TENM4: variants seen among roughly 807,000 people sequenced by gnomAD.
The protein encoded by TENM4 is teneurin transmembrane protein 4, also known as teneurin-4.
In TENM4, 82 loss-of-function variants were observed where a neutral mutation model predicts 243.3. The observed-to-expected ratio is 0.34, with a 90% confidence interval of 0.28 to 0.40. The LOEUF is 0.40. TENM4 is among the 10% of genes least tolerant of loss of function. TENM4 has a pLI of 1.00. For missense variants in TENM4, 3,138 were observed against 3,673.3 expected (o/e 0.85, Z 3.77); for synonymous variants, 1,412 against 1,456.3 (o/e 0.97, Z 0.69).
chr11:79,196,529 G>A (rs1015617122), intron 3 of TENM4, among the ~76,000 whole-genome samples: 2 of 152,148 alleles, frequency 1.3e-5, no homozygotes, highest in African/African-American at 2.4e-5. Flanking sequence ...GGGGTGTTGT[G>A]GAGAGTAGTG....
chr11:79,324,788 G>GCTT (rs1259909567), intron 1 of TENM4, among the ~76,000 whole-genome samples: 2 of 152,146 alleles, frequency 1.3e-5, no homozygotes, highest in Non-Finnish European at 2.9e-5. Flanking sequence ...CACTGCTGCT[G>GCTT]TCCCCCGGAG....
chr11:79,038,761 G>A (rs1356926129), intron 6 of TENM4, among the ~76,000 whole-genome samples: 2 of 152,172 alleles, frequency 1.3e-5, no homozygotes, highest in East Asian at 3.8e-4. Context: ...TCAAATCCTG[G>A]CTTGGGAAAA....
chr11:79,172,786 GCACCAC>G (rs1863075146), intron 3 of TENM4, among the ~76,000 whole-genome samples: 1 of 151,094 alleles, frequency 6.6e-6, no homozygotes, highest in Non-Finnish European at 1.5e-5. Flanking sequence ...TTACAAGTGT[GCACCAC>G]CACGCCCAGC....
At chr11:79,083,350 A>T (rs1860725577) in intron 4 of TENM4, among the ~76,000 whole-genome samples, 1 of 152,174 alleles carries the variant, frequency 6.6e-6, no homozygotes, top group Non-Finnish European at 1.5e-5. Context: ...TCCTCTTGAG[A>T]CTGGTTCGGT....
intron 7 of TENM4, among the ~76,000 whole-genome samples, chr11:78,895,831 A>G (rs1028195786): frequency 7.2e-5 from 11 of 152,200 alleles, no homozygotes; most frequent in Non-Finnish European, 5.9e-5. Context: ...TGGGATTTAA[A>G]CCAGATCTCT....
intron 4 of TENM4, among the ~76,000 whole-genome samples, chr11:79,147,965 A>G (rs1862423129): frequency 6.6e-6 from 1 of 152,078 alleles, no homozygotes; most frequent in African/African-American, 2.4e-5. Flanking sequence ...GGTCAGAGGC[A>G]TGGTAGTGAC....
At chr11:78,763,549 G>C (rs1236725562) in intron 18 of TENM4, among the ~76,000 whole-genome samples, 1 of 152,232 alleles carries the variant, frequency 6.6e-6, no homozygotes, top group East Asian at 1.9e-4. Flanking sequence ...CTGGCTGGAG[G>C]ATGAAGGCCC....
intron 12 of TENM4, among the ~76,000 whole-genome samples, chr11:78,830,615 C>T (rs982558794): frequency 2.0e-5 from 3 of 152,136 alleles, no homozygotes; most frequent in Non-Finnish European, 4.4e-5. Flanking sequence ...CTGAGGTGGC[C>T]GCTGCTCGGG....
intron 6 of TENM4, among the ~76,000 whole-genome samples, chr11:79,032,925 C>T (rs1859283699): frequency 6.6e-6 from 1 of 152,126 alleles, no homozygotes; most frequent in South Asian, 2.1e-4. Flanking sequence ...GGAGAACATG[C>T]TGGTGACTGG....
At chr11:79,366,075 C>T (rs574598961) in intron 1 of TENM4, among the ~76,000 whole-genome samples, 1 of 152,172 alleles carries the variant, frequency 6.6e-6, no homozygotes, top group African/African-American at 2.4e-5. Context: ...AAATTACTAA[C>T]CTGTCTAATC....
At chr11:78,975,628 A>G (rs1857639196) in intron 6 of TENM4, among the ~76,000 whole-genome samples, 1 of 151,914 alleles carries the variant, frequency 6.6e-6, no homozygotes, top group Non-Finnish European at 1.5e-5. Flanking sequence ...ATATATATAT[A>G]TATATGTTTT....
chr11:79,018,224 G>C (rs1858829169), intron 6 of TENM4, among the ~76,000 whole-genome samples: 1 of 152,186 alleles, frequency 6.6e-6, no homozygotes, highest in African/African-American at 2.4e-5. Context: ...ATACTGGTTT[G>C]TGCCTGTTCT....
intron 1 of TENM4, among the ~76,000 whole-genome samples, chr11:79,336,500 A>G (rs10501437): frequency 0.06 from 9,075 of 152,338 alleles, 386 homozygotes; most frequent in Non-Finnish European, 0.091. Context: ...GTAGGTGTTC[A>G]GAAAGAATCG....
In TENM4 at chr11:79,242,563, G is replaced by A. The variant is rs181443508; in HGVS notation, c.-264-26654C>T. 2.0e-3 allele frequency among the ~76,000 whole-genome samples: 297 copies of A among 152,224 alleles called. 1 individual carries two copies. The highest frequency in any genetic ancestry group is 3.4e-3 in the Middle Eastern group (1 of 294). ...GATTTTACATCTTGCAAAAGACAGG[G>A]TATAAAATCACCATAAGCATACCAT... On this transcript the variant is annotated intron_variant, in intron 2 of 33. Transcript: ENST00000278550.
At chr11:79,337,363 C>T (rs1463166299) in intron 1 of TENM4, among the ~76,000 whole-genome samples, 2 of 152,170 alleles carry the variant, frequency 1.3e-5, no homozygotes, top group African/African-American at 2.4e-5. Flanking sequence ...ACCATGTGAT[C>T]GTGCCTCACC....
At chr11:79,224,808 C>T (rs1202563593) in intron 2 of TENM4, among the ~76,000 whole-genome samples, 6 of 152,022 alleles carry the variant, frequency 3.9e-5, no homozygotes, top group Non-Finnish European at 7.4e-5. Flanking sequence ...AAAATTAGTC[C>T]GGCATGGTGG....
chr11:79,037,590 A>C (rs748678194), intron 6 of TENM4, among the ~76,000 whole-genome samples: 1 of 152,232 alleles, frequency 6.6e-6, no homozygotes, highest in Non-Finnish European at 1.5e-5. Context: ...CTAGAGCTTA[A>C]GTCCATACAC....
At chr11:78,899,972 G>C (rs914405520) in intron 7 of TENM4, among the ~76,000 whole-genome samples, 1 of 152,168 alleles carries the variant, frequency 6.6e-6, no homozygotes, top group Non-Finnish European at 1.5e-5. Flanking sequence ...GAGACAGAAG[G>C]GTACTGCCAA....
At chr11:79,169,698 CAG>C (rs1862996856) in intron 3 of TENM4, among the ~76,000 whole-genome samples, 1 of 152,140 alleles carries the variant, frequency 6.6e-6, no homozygotes, top group African/African-American at 2.4e-5. Flanking sequence ...CTGCTGTGGC[CAG>C]AGACTAGGGC....
Sources: gnomAD v4.1 joint callset for allele counts (sites outside exome capture counted in the v4.1 genomes callset) on GRCh38, gnomAD v4.1.1 for gene constraint, MANE v1.5 for transcripts, NCBI Gene and HGNC (gene_info 2026-07-23, HGNC 2026-07-21) for gene names.